PDE10A: variants seen among roughly 807,000 people sequenced by gnomAD.
PDE10A encodes the protein phosphodiesterase 10A.
In PDE10A, 39 loss-of-function variants were observed where a neutral mutation model predicts 97.7. The ratio of observed to expected loss-of-function variants is 0.40; its 90% CI spans 0.31 to 0.52. The LOEUF (loss-of-function observed/expected upper bound fraction) is 0.52. PDE10A is among the 20% of genes least tolerant of loss of function. The probability of loss-of-function intolerance (pLI) is 0.56; values close to 1 mark genes in which losing one functional copy is unlikely to be tolerated. For missense variants in PDE10A, 731 were observed against 1,047.8 expected (o/e 0.70, Z 4.17); for synonymous variants, 371 against 376.8 (o/e 0.98, Z 0.18).
At chr6:165,678,476 T>C (rs1790888086) in intron 1 of PDE10A, among the ~76,000 whole-genome samples, 1 of 152,164 alleles carries the variant, frequency 6.6e-6, no homozygotes, top group South Asian at 2.1e-4. Context: ...TTGGCATTTC[T>C]TTTTAAATTT....
At chr6:165,402,176 TTTTATATG>T in intron 13 of PDE10A, among the ~76,000 whole-genome samples, 1 of 152,280 alleles carries the variant, frequency 6.6e-6, no homozygotes, top group Non-Finnish European at 1.5e-5. Flanking sequence ...TTTATTGTCA[TTTTATATG>T]TTTATGACCT....
chr6:165,709,109 C>T (rs1382260053), intron 1 of PDE10A, among the ~76,000 whole-genome samples: 1 of 135,832 alleles, frequency 7.4e-6, no homozygotes, highest in Non-Finnish European at 1.6e-5. Flanking sequence ...GCCGTGCTCT[C>T]CCCACACTTT....
rs561548691 is a variant in PDE10A at position 165,856,822 on chromosome 6, A to T, written c.-615+130707T>A. ...TTCCTGTTAAGCATTTCAAGTGCCC[A>T]GGCTGGAAGTAGTACCTGTCCAAGA... On this transcript the variant is annotated intron_variant, in intron 1 of 19. Coordinates refer to the PDE10A transcript ENST00000366882. Among the ~76,000 whole-genome samples, 5 of 152,312 alleles carry T rather than the reference A, an allele frequency of 3.3e-5. No homozygotes were observed. The South Asian group carries it at 1.0e-3, about 32-fold the overall frequency.
intron 2 of PDE10A, among the ~76,000 whole-genome samples, chr6:165,507,999 A>C (rs1164421303): frequency 6.6e-6 from 1 of 152,128 alleles, no homozygotes; most frequent in Non-Finnish European, 1.5e-5. Context: ...TTTCTACCCA[A>C]AGCCCAGAAG....
At position 165,710,509 on chromosome 6, in the gene PDE10A, G is replaced by T. The variant is rs190074297; in HGVS notation, c.-614-166941C>A. Reference sequence around the variant, plus strand: ...ACGCAAACTGATCCCTTTTAAAGAGGGTCGTCACTTTCTCTACCTTAGAAA... The same window carrying T: ...ACGCAAACTGATCCCTTTTAAAGAGTGTCGTCACTTTCTCTACCTTAGAAA... On this transcript the variant is annotated intron_variant, in intron 1 of 19. Coordinates refer to the PDE10A transcript ENST00000366882. Among the ~76,000 whole-genome samples, 548 of 152,208 alleles carry T rather than the reference G, an allele frequency of 3.6e-3. 10 individuals carry two copies. The Middle Eastern group carries it at 0.051, about 14-fold the overall frequency.
At chr6:165,592,678 C>T (rs1037126286) in intron 1 of PDE10A, among the ~76,000 whole-genome samples, 11 of 152,020 alleles carry the variant, frequency 7.2e-5, no homozygotes, top group African/African-American at 2.7e-4. Context: ...ATTTATGTGG[C>T]CAACAAACAT....
intron 1 of PDE10A, among the ~76,000 whole-genome samples, chr6:165,847,017 C>A (rs902108974): frequency 1.3e-5 from 2 of 152,194 alleles, no homozygotes; most frequent in African/African-American, 4.8e-5. Flanking sequence ...GCAAGACACA[C>A]GTTAGGGCGT....
intron 1 of PDE10A, among the ~76,000 whole-genome samples, chr6:165,644,167 T>C (rs1027174399): frequency 2.0e-5 from 3 of 152,150 alleles, no homozygotes; most frequent in African/African-American, 4.8e-5. Context: ...GCCATTGTCC[T>C]GCCTCAGCCT....
At chr6:165,576,916 G>A (rs1785336910) in intron 1 of PDE10A, among the ~76,000 whole-genome samples, 1 of 152,190 alleles carries the variant, frequency 6.6e-6, no homozygotes. Context: ...TGCTACATCA[G>A]TCATGGTAAT....
At chr6:165,966,636 T>G (rs1454601176) in intron 1 of PDE10A, among the ~76,000 whole-genome samples, 1 of 152,216 alleles carries the variant, frequency 6.6e-6, no homozygotes, top group Non-Finnish European at 1.5e-5. Context: ...TTAACAAACA[T>G]CCATTGAATC....
chr6:165,901,794 C>T (rs1782115591), intron 1 of PDE10A, among the ~76,000 whole-genome samples: 1 of 151,606 alleles, frequency 6.6e-6, no homozygotes, highest in African/African-American at 2.4e-5. Context: ...GAGTGAAACT[C>T]CATCTCAAAA....
intron 16 of PDE10A, 135 bp downstream of exon 16, chr6:165,392,511 G>A: frequency 3.0e-6 from 2 of 663,954 alleles, no homozygotes; most frequent in South Asian, 2.3e-5. Flanking sequence ...TCTAAAAATG[G>A]GCTACTATTG....
At chr6:165,714,848 G>A (rs1791986894) in intron 1 of PDE10A, among the ~76,000 whole-genome samples, 1 of 152,270 alleles carries the variant, frequency 6.6e-6, no homozygotes, top group Admixed American at 6.5e-5. Context: ...CACAGCGACA[G>A]AAGAACCTGT....
intron 1 of PDE10A, among the ~76,000 whole-genome samples, chr6:165,796,240 C>T (rs1478547899): frequency 1.3e-5 from 2 of 151,816 alleles, no homozygotes; most frequent in African/African-American, 2.4e-5. Flanking sequence ...GGACTACAGG[C>T]GCCCGCCACC....
intron 1 of PDE10A, among the ~76,000 whole-genome samples, chr6:165,902,617 G>GC (rs34205994): frequency 0.37 from 56,948 of 152,072 alleles, 11,017 homozygotes; most frequent in East Asian, 0.6. Context: ...GAATTTGTGA[G>GC]CCCATCTAGA....
At chr6:165,642,439 C>T (rs530622445) in intron 1 of PDE10A, among the ~76,000 whole-genome samples, 156 of 152,264 alleles carry the variant, frequency 1.0e-3, no homozygotes, top group Admixed American at 3.0e-3. Context: ...AGGGACACAG[C>T]CACATTAACG....
At chr6:165,930,832 C>G (rs1487015124) in intron 1 of PDE10A, among the ~76,000 whole-genome samples, 2 of 152,224 alleles carry the variant, frequency 1.3e-5, no homozygotes, top group Admixed American at 1.3e-4. Flanking sequence ...TCCCGGCTCA[C>G]TGACACGAGG....
At chr6:165,727,724 C>T (rs981889483) in intron 1 of PDE10A, among the ~76,000 whole-genome samples, 1 of 152,192 alleles carries the variant, frequency 6.6e-6, no homozygotes, top group Non-Finnish European at 1.5e-5. Context: ...CTTGTCCAAT[C>T]ACTTGATTCA....
intron 1 of PDE10A, chr6:165,946,893 C>A (rs145940431): frequency 6.6e-6 from 1 of 152,094 alleles, no homozygotes; most frequent in Non-Finnish European, 1.5e-5. Context: ...TGACTTTTTA[C>A]GTATAATTTT....
Sources: allele counts gnomAD v4.1 joint callset (sites outside exome capture counted in the v4.1 genomes callset), GRCh38; gene constraint gnomAD v4.1.1; transcripts MANE v1.5; gene names NCBI Gene and HGNC (gene_info 2026-07-23, HGNC 2026-07-21).